Variants in ARK2N observed in about 807,000 individuals in gnomAD.
ARK2N encodes arkadia (RNF111) N-terminal like PKA signaling regulator 2N.
the ARK2N span, among the ~76,000 whole-genome samples, chr18:46,194,298 G>A: frequency 3.3e-5 from 5 of 151,510 alleles, no homozygotes; most frequent in South Asian, 1.1e-3. Context: ...TTATGGAGGG[G>A]AGGTTTAAGA....
chr18:46,263,940 G>C, the ARK2N span: 1 of 152,380 alleles, frequency 6.6e-6, no homozygotes, highest in South Asian at 2.1e-4. Flanking sequence ...TCAAATAACG[G>C]GTGAACATAG....
At chr18:46,236,225 C>T in the ARK2N span, among the ~76,000 whole-genome samples, 1 of 152,126 alleles carries the variant, frequency 6.6e-6, no homozygotes, top group Non-Finnish European at 1.5e-5. Flanking sequence ...GTTGCCCAGG[C>T]TAGTCTCGAA....
At chr18:46,203,585 AC>A in the ARK2N span, among the ~76,000 whole-genome samples, 11 of 152,040 alleles carry the variant, frequency 7.2e-5, no homozygotes, top group African/African-American at 2.7e-4. Flanking sequence ...GTGTGGTAAT[AC>A]TACAATCAAA....
chr18:46,195,534 C>T, the ARK2N span, among the ~76,000 whole-genome samples: 5 of 142,970 alleles, frequency 3.5e-5, no homozygotes, highest in African/African-American at 1.3e-4. Flanking sequence ...CAGCTTGAGC[C>T]ACCACGCCTT....
At chr18:46,180,158 C>G in the ARK2N span, among the ~76,000 whole-genome samples, 1 of 152,148 alleles carries the variant, frequency 6.6e-6, no homozygotes, top group South Asian at 2.1e-4. Context: ...CATGTCTGTT[C>G]AAAATAAGGG....
chr18:46,254,346 G>T, the ARK2N span, among the ~76,000 whole-genome samples: 1 of 152,156 alleles, frequency 6.6e-6, no homozygotes, highest in African/African-American at 2.4e-5. Flanking sequence ...ATAACTAAGG[G>T]AGTCTTTTTT....
chr18:46,226,274 G>A, the ARK2N span, among the ~76,000 whole-genome samples: 10 of 152,182 alleles, frequency 6.6e-5, no homozygotes, highest in Admixed American at 1.3e-4. Flanking sequence ...ACTGCAGCTT[G>A]ATTTCATGCA....
the ARK2N span, among the ~76,000 whole-genome samples, chr18:46,261,258 A>G: frequency 1.6e-3 from 247 of 152,360 alleles, 3 homozygotes; most frequent in Non-Finnish European, 2.6e-4. Flanking sequence ...ACAACATGAT[A>G]TGGAAAGCAT....
At chr18:46,219,731 A>G in the ARK2N span, among the ~76,000 whole-genome samples, 1 of 152,020 alleles carries the variant, frequency 6.6e-6, no homozygotes, top group South Asian at 2.1e-4. Context: ...TGGCCTCCCA[A>G]GTGCTGTGAT....
chr18:46,217,787 T>G, the ARK2N span: 52 of 152,264 alleles, frequency 3.4e-4, no homozygotes, highest in Admixed American at 3.3e-3. Flanking sequence ...TGTTTTAATA[T>G]CTCTATTGGA....
chr18:46,266,358 T>C, the ARK2N span: 1 of 152,794 alleles, frequency 6.5e-6, no homozygotes, highest in African/African-American at 2.4e-5. Flanking sequence ...CTCCAATATG[T>C]GTATGATGTG....
the ARK2N span, among the ~76,000 whole-genome samples, chr18:46,220,807 A>G: frequency 6.6e-6 from 1 of 150,858 alleles, no homozygotes; most frequent in African/African-American, 2.5e-5. Flanking sequence ...TCTTGACCAC[A>G]TACTGCCATA....
the ARK2N span, among the ~76,000 whole-genome samples, chr18:46,236,777 G>T: frequency 2.0e-5 from 3 of 151,900 alleles, no homozygotes; most frequent in African/African-American, 7.3e-5. Flanking sequence ...CAGTATCCCC[G>T]TGTTTATTCT....
the ARK2N span, among the ~76,000 whole-genome samples, chr18:46,252,831 A>G: frequency 6.6e-6 from 1 of 152,204 alleles, no homozygotes; most frequent in East Asian, 1.9e-4. Context: ...TTTTAGAGCC[A>G]TGTACTTTGA....
chr18:46,200,931 G>C, the ARK2N span, among the ~76,000 whole-genome samples: 1 of 150,562 alleles, frequency 6.6e-6, no homozygotes, highest in African/African-American at 2.4e-5. Context: ...AAATACATGG[G>C]TGCTAGTAGG....
At chr18:46,179,442 C>T in the ARK2N span, among the ~76,000 whole-genome samples, 1 of 151,970 alleles carries the variant, frequency 6.6e-6, no homozygotes, top group Non-Finnish European at 1.5e-5. Flanking sequence ...CTTACTTTTT[C>T]AGAACTCTTA....
At chr18:46,207,412 T>C in the ARK2N span, among the ~76,000 whole-genome samples, 5,817 of 135,674 alleles carry the variant, frequency 0.043, 313 homozygotes, top group East Asian at 0.12. Context: ...TTTTTTGAGA[T>C]GGAGTCTAGC....
At chr18:46,220,714 A>C in the ARK2N span, among the ~76,000 whole-genome samples, 1 of 152,216 alleles carries the variant, frequency 6.6e-6, no homozygotes, top group Non-Finnish European at 1.5e-5. Context: ...AATTTAGCTA[A>C]TTATAAAAAT....
chr18:46,192,793 C>T, the ARK2N span, among the ~76,000 whole-genome samples: 1 of 151,378 alleles, frequency 6.6e-6, no homozygotes, highest in Non-Finnish European at 1.5e-5. Flanking sequence ...TGGTCTTGAA[C>T]TCCTGACCTC....
Sources: gnomAD v4.1 joint callset for allele counts (sites outside exome capture counted in the v4.1 genomes callset) on GRCh38, gnomAD v4.1.1 for gene constraint, MANE v1.5 for transcripts, NCBI Gene and HGNC (gene_info 2026-07-23, HGNC 2026-07-21) for gene names.